The following ACYP2 variants were observed in gnomAD, a reference collection of about 807,000 sequenced individuals.
ACYP2 encodes the protein acylphosphatase 2.
In ACYP2, 12 loss-of-function variants were observed where a neutral mutation model predicts 11.2. The ratio of observed to expected loss-of-function variants is 1.08; its 90% CI spans 0.69 to 1.74. The LOEUF is 1.74. Among genes scored for constraint, ACYP2 ranks in the 40% most tolerant of loss-of-function variants. The pLI, the probability that ACYP2 is intolerant of heterozygous loss-of-function variation, is 0.00. For synonymous variants in ACYP2, 43 were observed against 32.2 expected (o/e 1.33, Z -1.13); for missense variants, 134 against 101.9 (o/e 1.31, Z -1.35).
At chr2:54,255,570 C>T in intron 6 of ACYP2, 3 of 1,179,832 alleles carry the variant, frequency 2.5e-6, no homozygotes, top group South Asian at 1.5e-5. Context: ...CGTTCAGGGG[C>T]CCGGGCCCGG....
At chr2:54,150,902 C>A (rs555777816) in intron 6 of ACYP2, among the ~76,000 whole-genome samples, 1 of 151,564 alleles carries the variant, frequency 6.6e-6, no homozygotes, top group Non-Finnish European at 1.5e-5. Flanking sequence ...CTACCACGCC[C>A]GGCTAATTTT....
At chr2:54,215,716 C>G (rs1685530150) in intron 6 of ACYP2, among the ~76,000 whole-genome samples, 1 of 152,052 alleles carries the variant, frequency 6.6e-6, no homozygotes, top group South Asian at 2.1e-4. Context: ...TAGGTGTAAT[C>G]ATTTTTCTGA....
chr2:54,280,974 A>G (rs1374012111), intron 6 of ACYP2, among the ~76,000 whole-genome samples: 4 of 152,206 alleles, frequency 2.6e-5, no homozygotes, highest in Admixed American at 2.0e-4. Context: ...CAGGTGGGAA[A>G]GGAAACATCA....
intron 4 of ACYP2, among the ~76,000 whole-genome samples, chr2:54,121,247 C>T (rs542424526): frequency 8.5e-5 from 13 of 152,230 alleles, no homozygotes; most frequent in African/African-American, 3.1e-4. Flanking sequence ...AAGTGGATAG[C>T]CATCTGTAAG....
chr2:54,211,585 C>A lies in ACYP2; in HGVS notation c.404+72837C>A, dbSNP rs184152180. On this transcript the variant is annotated intron_variant, in intron 6 of 6. Transcript: ENST00000607452. Reference sequence around the variant, plus strand: ...CTGGCTATGGTTAGTGTTGTCAGTTCTATGTTTGAGCATATAATTTTTATT... The same window carrying A: ...CTGGCTATGGTTAGTGTTGTCAGTTATATGTTTGAGCATATAATTTTTATT... Among the ~76,000 whole-genome samples the A allele has an allele frequency of 3.2e-4, 48 of 152,198 alleles. 1 individual carries two copies. Among genetic ancestry groups the A allele is most frequent in the African/African-American group, 1.1e-3 (45 of 41,536 alleles).
chr2:54,191,270 C>T (rs775690216), intron 6 of ACYP2, among the ~76,000 whole-genome samples: 12 of 152,310 alleles, frequency 7.9e-5, no homozygotes, highest in Non-Finnish European at 1.2e-4. Flanking sequence ...TGCTCTCCGC[C>T]GTACCATCCT....
chr2:54,096,912 G>T (rs1678626206), intron 4 of ACYP2, among the ~76,000 whole-genome samples: 1 of 152,194 alleles, frequency 6.6e-6, no homozygotes, highest in African/African-American at 2.4e-5. Flanking sequence ...GTCTTGCTAT[G>T]TTGGCCAGGT....
Position 53,973,738 on chromosome 2 carries a change from A to G in ACYP2, c.-11A>G, listed in dbSNP as rs1004709654. The stretch of plus-strand genomic sequence containing the variant: ...ACTCAGCCTGCCTGCACCCAGGTGA[A>G]ATAAACAGCCATGTTGCTCACACAA... On this transcript the variant is annotated 5_prime_UTR_variant, in exon 2 of 7. Coordinates refer to ENST00000607452, the MANE Select transcript of ACYP2 (RefSeq NM_001320586.2). 3.1e-6 allele frequency: 1 copy of G among 326,626 alleles called. No individual in the cohort carries two copies. Among genetic ancestry groups the G allele is most frequent in the African/African-American group, 2.2e-5 (1 of 46,510 alleles). The allele number at this position is 326,626 out of a possible 1,614,324, so 20.2% of individuals were successfully genotyped here.
intron 2 of ACYP2, among the ~76,000 whole-genome samples, chr2:54,011,735 GTA>G (rs1188255234): frequency 2.9e-5 from 2 of 68,956 alleles, no homozygotes; most frequent in Non-Finnish European, 5.2e-5. Context: ...CTTTTTTGGT[GTA>G]TTTTTTTTTT....
At chr2:54,153,475 T>C (rs527689381) in intron 6 of ACYP2, among the ~76,000 whole-genome samples, 3,285 of 150,722 alleles carry the variant, frequency 0.022, 105 homozygotes, top group African/African-American at 0.071. Flanking sequence ...TTTTTTTTTT[T>C]CATGTGTGTG....
At chr2:54,144,145 A>C (rs192031806) in intron 6 of ACYP2, among the ~76,000 whole-genome samples, 155 of 151,852 alleles carry the variant, frequency 1.0e-3, no homozygotes, top group African/African-American at 3.4e-3. Flanking sequence ...AATTTTTAAA[A>C]ATTTTTTTGT....
chr2:54,272,123 C>A (rs1688331331), intron 6 of ACYP2, among the ~76,000 whole-genome samples: 1 of 152,124 alleles, frequency 6.6e-6, no homozygotes, highest in African/African-American at 2.4e-5. Context: ...CCATCTTGCC[C>A]AAGGCTGAGA....
chr2:54,001,591 A>C (rs929168922), intron 2 of ACYP2, among the ~76,000 whole-genome samples: 45 of 152,178 alleles, frequency 3.0e-4, no homozygotes, highest in African/African-American at 1.0e-3. Context: ...ATAGGGTTTC[A>C]CTATGTTGGC....
chr2:54,083,523 A>G (rs1677779306), intron 4 of ACYP2, among the ~76,000 whole-genome samples: 1 of 152,226 alleles, frequency 6.6e-6, no homozygotes, highest in African/African-American at 2.4e-5. Flanking sequence ...AAGTTTACAG[A>G]GAACAGCCAT....
intron 2 of ACYP2, among the ~76,000 whole-genome samples, chr2:54,039,673 C>T (rs1019092466): frequency 7.9e-5 from 12 of 152,184 alleles, no homozygotes; most frequent in South Asian, 2.1e-4. Context: ...CCACCTCAGC[C>T]TCCCAAAGCT....
At position 54,097,441 on chromosome 2, in the gene ACYP2, T is replaced by C. The variant is rs549554748; in HGVS notation, c.278-38012T>C. Among the ~76,000 whole-genome samples the C allele has an allele frequency of 5.3e-5, 8 of 152,372 alleles. No individual in the cohort carries two copies. The East Asian group carries it at 1.3e-3, about 26-fold the overall frequency. ...ACTATGAAAAGCTTGCCAGCACCAC[T>C]GTTCCCCAAATCCTATCCCATTCCT... is the stretch of plus-strand genomic sequence containing the variant. On this transcript the variant is annotated intron_variant, in intron 4 of 6. Transcript: ENST00000607452.
At chr2:54,285,586 A>G (rs1452673708) in intron 6 of ACYP2, among the ~76,000 whole-genome samples, 3 of 152,198 alleles carry the variant, frequency 2.0e-5, no homozygotes, top group African/African-American at 7.2e-5. Context: ...TAAGACTGCT[A>G]GCTGTCCTCC....
chr2:54,110,204 C>T (rs1679386790), intron 4 of ACYP2, among the ~76,000 whole-genome samples: 1 of 152,212 alleles, frequency 6.6e-6, no homozygotes, highest in Admixed American at 6.5e-5. Context: ...GACCCAGCTT[C>T]AAAACTGTCA....
intron 6 of ACYP2, among the ~76,000 whole-genome samples, chr2:54,258,036 C>G (rs1000146248): frequency 1.3e-5 from 2 of 152,124 alleles, no homozygotes; most frequent in Admixed American, 6.5e-5. Flanking sequence ...TATTGGGTAC[C>G]TACTGTGTGC....
Sources: gnomAD v4.1 joint callset for allele counts (sites outside exome capture counted in the v4.1 genomes callset) on GRCh38, gnomAD v4.1.1 for gene constraint, MANE v1.5 for transcripts, NCBI Gene and HGNC (gene_info 2026-07-23, HGNC 2026-07-21) for gene names.